Variants in NAA60 observed in about 807,000 individuals in gnomAD.
NAA60 encodes N-alpha-acetyltransferase 60, NatF catalytic subunit, also known as N-alpha-acetyltransferase 60.
A neutral mutation model predicts 26.1 loss-of-function variants in NAA60; 8 were observed. That is an observed-to-expected ratio of 0.31 (90% CI 0.18 to 0.55). NAA60 has a LOEUF of 0.55. Ranked by LOEUF, NAA60 falls within the 20% of genes least tolerant of loss-of-function variation. The pLI is 0.93. For missense variants in NAA60, 290 were observed against 311.3 expected (o/e 0.93, Z 0.51); for synonymous variants, 131 against 122.5 (o/e 1.07, Z -0.46).
intron 1 of NAA60, 119 bp downstream of exon 1, chr16:3,443,956 G>A: frequency 2.2e-6 from 3 of 1,392,528 alleles, no homozygotes; most frequent in Non-Finnish European, 2.8e-6. Context: ...TGTCTTGAGC[G>A]GATGGTGGGG....
At position 3,479,453 on chromosome 16, in the gene NAA60, G is replaced by A; in HGVS notation, c.111-18G>A. On this transcript the variant is annotated intron_variant, in intron 3 of 7. Transcript: ENST00000407558. ...CTTGACCTGTGGCAGGTTCACCTGA[G>A]TATGTTCTGTTTCTCAGGTACCCAG... is the stretch of plus-strand genomic sequence containing the variant. 1.9e-6 allele frequency: 3 copies of A among 1,613,092 alleles called. No individual in the cohort carries two copies. The highest frequency in any genetic ancestry group is 1.7e-4 in the Middle Eastern group (1 of 6,060).
In NAA60 at chr16:3,486,451, G is replaced by A. The variant is rs2037147515; in HGVS notation, c.*1191G>A. 2 of 152,462 alleles carry A rather than the reference G, an allele frequency of 1.3e-5. No individual in the cohort carries two copies. The highest frequency in any genetic ancestry group is 3.9e-4 in the East Asian group (2 of 5,168). 9.4% of individuals were successfully genotyped at this position (152,462 alleles called of 1,614,324 possible). A position where few individuals can be genotyped will look rare whatever the true frequency, so the allele number is the denominator to read the frequency against. ...AACCCTGGGCAGACGGGGCCTCAGG[G>A]ACCTGTGTCCTTCCGCCTCCAGAGC... On this transcript the variant is annotated 3_prime_UTR_variant, in exon 8 of 8. Transcript: ENST00000407558.
At chr16:3,467,724 C>T (rs1457400220) in intron 2 of NAA60, 1 of 152,302 alleles carries the variant, frequency 6.6e-6, no homozygotes, top group South Asian at 2.1e-4. Context: ...GCAGACACAC[C>T]TGTGGGTGCT....
intron 2 of NAA60, among the ~76,000 whole-genome samples, chr16:3,458,526 G>T (rs1432027320): frequency 6.6e-6 from 1 of 152,156 alleles, no homozygotes; most frequent in African/African-American, 2.4e-5. Flanking sequence ...GTCCTCATGG[G>T]TACCCTGTGG....
intron 1 of NAA60, 199 bp downstream of exon 1, chr16:3,444,036 A>C: frequency 2.8e-6 from 3 of 1,058,612 alleles, no homozygotes; most frequent in Non-Finnish European, 3.7e-6. Flanking sequence ...AGGTTGCTGG[A>C]CTCTGACTCA....
At chr16:3,474,546 C>G (rs1382208260) in intron 2 of NAA60, among the ~76,000 whole-genome samples, 2 of 152,274 alleles carry the variant, frequency 1.3e-5, no homozygotes, top group Non-Finnish European at 2.9e-5. Context: ...GAAACCTGGA[C>G]AGTGGACGCC....
At chr16:3,485,417 G>T (rs2037102410) in intron 7 of NAA60, 50 bp from the exon 8 acceptor site, 1 of 461,892 alleles carries the variant, frequency 2.2e-6, no homozygotes, top group Non-Finnish European at 4.3e-6. Flanking sequence ...GGGGTGGGCA[G>T]AGTGTCTCCG....
At chr16:3,483,337 CA>C in intron 5 of NAA60, 25 bp from the exon 6 acceptor site, 1 of 1,535,278 alleles carries the variant, frequency 6.5e-7, no homozygotes, top group Non-Finnish European at 8.9e-7. Flanking sequence ...GCTCTGCCTG[CA>C]TTACCTTTAC....
At chr16:3,458,346 C>T (rs1020340955) in intron 2 of NAA60, among the ~76,000 whole-genome samples, 2 of 151,472 alleles carry the variant, frequency 1.3e-5, no homozygotes, top group Non-Finnish European at 3.0e-5. Context: ...GCGCACGGTC[C>T]TCCCGGGAGC....
intron 3 of NAA60, among the ~76,000 whole-genome samples, chr16:3,479,159 G>A (rs551338351): frequency 3.3e-5 from 5 of 152,278 alleles, no homozygotes; most frequent in African/African-American, 1.2e-4. Flanking sequence ...AGAATCGATT[G>A]AACCCAGGAG....
chr16:3,453,057 T>C (rs1299748266), intron 2 of NAA60, among the ~76,000 whole-genome samples: 2 of 152,126 alleles, frequency 1.3e-5, no homozygotes, highest in Non-Finnish European at 1.5e-5. Flanking sequence ...TGAGAATAAA[T>C]TGGTAAAACT....
At chr16:3,473,798 G>A (rs1343791466) in intron 2 of NAA60, among the ~76,000 whole-genome samples, 4 of 151,840 alleles carry the variant, frequency 2.6e-5, no homozygotes, top group Non-Finnish European at 4.4e-5. Flanking sequence ...GCAGTGGTGC[G>A]ATCTTGGCTC....
At chr16:3,445,969 C>T (rs954680967) in intron 1 of NAA60, among the ~76,000 whole-genome samples, 2 of 152,222 alleles carry the variant, frequency 1.3e-5, no homozygotes, top group African/African-American at 4.8e-5. Context: ...ATATCCCTAA[C>T]TCAATTTTGT....
intron 6 of NAA60, among the ~76,000 whole-genome samples, chr16:3,484,199 A>T (rs1264460453): frequency 6.6e-6 from 1 of 152,098 alleles, no homozygotes; most frequent in Non-Finnish European, 1.5e-5. Context: ...TTTCAAATTC[A>T]TGAGTCTAGG....
chr16:3,463,552 A>T (rs1382981619), intron 2 of NAA60, among the ~76,000 whole-genome samples: 5 of 836 alleles, frequency 6.0e-3, no homozygotes, highest in South Asian at 0.1. Context: ...ACCCTGTGTT[A>T]AAAAAAAAAA....
chr16:3,462,230 C>T (rs1163033323), intron 2 of NAA60, among the ~76,000 whole-genome samples: 2 of 151,926 alleles, frequency 1.3e-5, no homozygotes, highest in Admixed American at 6.6e-5. Flanking sequence ...ACACTGGGGC[C>T]CATCTTGAAA....
intron 2 of NAA60, among the ~76,000 whole-genome samples, chr16:3,460,659 C>G (rs1410717669): frequency 1.3e-5 from 2 of 152,220 alleles, no homozygotes; most frequent in African/African-American, 4.8e-5. Context: ...GCCATTGCAT[C>G]CAGCCCGCCC....
rs561179883 is a variant in NAA60 at position 3,485,880 on chromosome 16, G to GC, written c.*625dup. ...CGCAAGCACAGAGCTCTGAGGCTCA[G>GC]CCCCCTGGCACAGGCGGTCACGCAT... On this transcript the variant is annotated 3_prime_UTR_variant, in exon 8 of 8. Coordinates refer to ENST00000407558, the MANE Select transcript of NAA60 (RefSeq NM_001083601.3). The GC allele has an allele frequency of 6.2e-4, 219 of 355,424 alleles. 1 individual carries two copies. Among genetic ancestry groups the GC allele is most frequent in the African/African-American group, 3.9e-3 (184 of 46,780 alleles). 22.0% of individuals were successfully genotyped at this position (355,424 alleles called of 1,614,324 possible). A position where few individuals can be genotyped will look rare whatever the true frequency, so the allele number is the denominator to read the frequency against.
intron 2 of NAA60, among the ~76,000 whole-genome samples, chr16:3,464,358 A>C (rs994116799): frequency 1.3e-5 from 2 of 152,196 alleles, no homozygotes; most frequent in Non-Finnish European, 2.9e-5. Context: ...TCTTAAGTGC[A>C]AACCCAGAGA....
Sources: gnomAD v4.1 joint callset for allele counts (sites outside exome capture counted in the v4.1 genomes callset) on GRCh38, gnomAD v4.1.1 for gene constraint, MANE v1.5 for transcripts, NCBI Gene and HGNC (gene_info 2026-07-23, HGNC 2026-07-21) for gene names.